PAX7: variants seen among roughly 807,000 people sequenced by gnomAD.
PAX7 encodes the protein paired box 7, also known as paired box protein Pax-7.
In PAX7, 18 loss-of-function variants were observed where a neutral mutation model predicts 50.7. The ratio of observed to expected loss-of-function variants is 0.36; its 90% CI spans 0.25 to 0.53. PAX7 has a LOEUF of 0.53. PAX7 is among the 20% of genes least tolerant of loss of function. PAX7 has a pLI of 0.93. For synonymous variants in PAX7, 310 were observed against 290.4 expected (o/e 1.07, Z -0.69); for missense variants, 644 against 702.9 (o/e 0.92, Z 0.95).
At chr1:18,694,080 C>G (rs1182403214) in intron 5 of PAX7, among the ~76,000 whole-genome samples, 4 of 152,166 alleles carry the variant, frequency 2.6e-5, no homozygotes, top group Non-Finnish European at 5.9e-5. Flanking sequence ...CCCCATTAGA[C>G]CAGAATCTCT....
chr1:18,640,924 C>T (rs1166295023), intron 4 of PAX7, among the ~76,000 whole-genome samples: 1 of 151,852 alleles, frequency 6.6e-6, no homozygotes, highest in African/African-American at 2.4e-5. Flanking sequence ...GCGGAGGGGG[C>T]TCCCGGCGAG....
At chr1:18,707,396 TCC>T (rs1270342087) in intron 7 of PAX7, among the ~76,000 whole-genome samples, 18 of 147,548 alleles carry the variant, frequency 1.2e-4, no homozygotes, top group Non-Finnish European at 2.1e-4. Flanking sequence ...TCCTTTTCTT[TCC>T]TTTTCTTTTT....
rs113575962 is a variant in PAX7, at chr1:18,654,752, G to A, written c.586+18381G>A. ...GAGGATTTACCATGAGCTAGACACAGCTCCTTTAATCAGCACAGCCCTATG... is the reference window on the plus strand; with the variant it reads ...GAGGATTTACCATGAGCTAGACACAACTCCTTTAATCAGCACAGCCCTATG... On this transcript the variant is annotated intron_variant, in intron 4 of 8. Transcript: ENST00000420770. 8.7e-3 allele frequency among the ~76,000 whole-genome samples: 1,322 copies of A among 152,348 alleles called. 15 individuals carry two copies. The highest frequency in any genetic ancestry group is 0.028 in the African/African-American group (1,151 of 41,578).
At chr1:18,728,758 A>C (rs1354396680) in intron 7 of PAX7, among the ~76,000 whole-genome samples, 2 of 151,534 alleles carry the variant, frequency 1.3e-5, no homozygotes, top group Non-Finnish European at 2.9e-5. Flanking sequence ...CCAGCTACTC[A>C]GGAGGCTGAG....
rs1570256478 is a variant in PAX7, at chr1:18,747,521, A to G, written c.*2592A>G. The G allele has an allele frequency of 9.4e-6, 2 of 213,236 alleles. No homozygotes were observed. The highest frequency in any genetic ancestry group is 1.4e-4 in the East Asian group (2 of 14,436). The allele number at this position is 213,236 out of a possible 1,614,324, so 13.2% of individuals were successfully genotyped here. A position where few individuals can be genotyped will look rare whatever the true frequency, so the allele number is the denominator to read the frequency against. On this transcript the variant is annotated 3_prime_UTR_variant, in exon 9 of 9. Transcript: ENST00000420770. ...CAGCCTTGTGTTGGCAACTCGAAAC[A>G]TCACCAGAGAGGTGATGTTGAATGA...
chr1:18,691,384 C>G (rs1378536497), intron 4 of PAX7, among the ~76,000 whole-genome samples: 1 of 152,156 alleles, frequency 6.6e-6, no homozygotes, highest in Non-Finnish European at 1.5e-5. Flanking sequence ...GTGTATCTCA[C>G]CACGAAACCA....
chr1:18,709,953 A>C (rs181699395), intron 7 of PAX7, among the ~76,000 whole-genome samples: 6 of 152,308 alleles, frequency 3.9e-5, no homozygotes, highest in Non-Finnish European at 7.3e-5. Context: ...ACAGAAATCA[A>C]GCTCAAGGCT....
intron 7 of PAX7, among the ~76,000 whole-genome samples, chr1:18,729,726 T>C (rs1313942643): frequency 6.6e-6 from 1 of 152,126 alleles, no homozygotes; most frequent in Non-Finnish European, 1.5e-5. Context: ...ACTGGGAGAC[T>C]CCAAGGATTT....
At chr1:18,633,004 C>T (rs907539469) in intron 1 of PAX7, among the ~76,000 whole-genome samples, 5 of 152,180 alleles carry the variant, frequency 3.3e-5, no homozygotes, top group African/African-American at 1.2e-4. Context: ...GCTAAAGAGG[C>T]TCTTGAATAT....
chr1:18,678,203 G>T (rs899909422), intron 4 of PAX7, among the ~76,000 whole-genome samples: 1 of 152,192 alleles, frequency 6.6e-6, no homozygotes. Context: ...CCTGAGGTTG[G>T]GAATTCGTGA....
Position 18,669,556 on chromosome 1 carries a change from TAGGTTATCTCTC to T in PAX7, c.587-22192_587-22181del, listed in dbSNP as rs200841013. On this transcript the variant is annotated intron_variant, in intron 4 of 8. Coordinates refer to ENST00000420770, the MANE Select transcript of PAX7 (RefSeq NM_001135254.2). ...CATCTGGAAGACAATGAGTTGGGAC[TAGGTTATCTCTC>T]AGGTTGCTTCCAGCTTGAACCGACT... 4.7e-4 allele frequency among the ~76,000 whole-genome samples: 72 copies of T among 152,316 alleles called. No homozygotes were observed. The East Asian group carries it at 0.013, about 28-fold the overall frequency.
chr1:18,725,317 C>CAACA (rs1553142839), intron 7 of PAX7, among the ~76,000 whole-genome samples: 1 of 138,374 alleles, frequency 7.2e-6, no homozygotes, highest in African/African-American at 2.7e-5. Context: ...CCCCCCGCCC[C>CAACA]ACCAACACCG....
intron 4 of PAX7, among the ~76,000 whole-genome samples, chr1:18,647,208 G>T (rs2088359427): frequency 6.6e-6 from 1 of 152,290 alleles, no homozygotes; most frequent in South Asian, 2.1e-4. Context: ...AGGGGAGGGG[G>T]GCAAAGGACC....
chr1:18,723,972 G>A (rs945977099), intron 7 of PAX7, among the ~76,000 whole-genome samples: 9 of 152,134 alleles, frequency 5.9e-5, no homozygotes, highest in African/African-American at 2.2e-4. Context: ...GCTATGAGGT[G>A]CAGATATTAA....
Position 18,635,704 on chromosome 1 carries a change from C to T in PAX7, c.451+464C>T, listed in dbSNP as rs116988154. ...ATGCCCATGGGCTTCCCTAGACCAC[C>T]GTCTCAGAGTTATGATTTCTGCTGT... On this transcript the variant is annotated intron_variant, in intron 3 of 8. Coordinates refer to ENST00000420770, the MANE Select transcript of PAX7 (RefSeq NM_001135254.2). Among the ~76,000 whole-genome samples, 3 of 152,184 alleles carry T rather than the reference C, an allele frequency of 2.0e-5. No homozygotes were observed. The East Asian group carries it at 5.8e-4, about 30-fold the overall frequency.
intron 4 of PAX7, among the ~76,000 whole-genome samples, chr1:18,645,723 G>A (rs115752672): frequency 0.018 from 2,732 of 150,998 alleles, 25 homozygotes; most frequent in Middle Eastern, 0.041. Context: ...AAGCCTCCTG[G>A]TTTCCTGAAA....
chr1:18,682,939 C>A (rs2088920039), intron 4 of PAX7, among the ~76,000 whole-genome samples: 2 of 152,194 alleles, frequency 1.3e-5, no homozygotes, highest in Non-Finnish European at 2.9e-5. Context: ...CCTGTCCCTG[C>A]ACAGCTGCCC....
chr1:18,685,924 C>T (rs1286783073), intron 4 of PAX7, among the ~76,000 whole-genome samples: 3 of 152,176 alleles, frequency 2.0e-5, no homozygotes, highest in African/African-American at 4.8e-5. Flanking sequence ...TCACCATCAC[C>T]ATCACCATCA....
rs2088064866 is a variant in PAX7, at chr1:18,632,132, C to T, written c.85+444C>T. The stretch of plus-strand genomic sequence containing the variant: ...GGTCTTCCAGTCCTTTATTTCGAAC[C>T]ACCTACCATGGGTGATACTTTATAT... On this transcript the variant is annotated intron_variant, in intron 1 of 8. Transcript: ENST00000420770. The surrounding 1 kb of genome is among the most constrained non-coding windows in gnomAD (Gnocchi z 6.3). Among the ~76,000 whole-genome samples, 1 of 152,106 alleles carries T rather than the reference C, an allele frequency of 6.6e-6. No homozygotes were observed. Among genetic ancestry groups the T allele is most frequent in the Non-Finnish European group, 1.5e-5 (1 of 68,018 alleles).
Sources: allele counts gnomAD v4.1 joint callset (sites outside exome capture counted in the v4.1 genomes callset), GRCh38; gene constraint gnomAD v4.1.1; non-coding constraint Gnocchi (gnomAD v3.1); transcripts MANE v1.5; gene names NCBI Gene and HGNC (gene_info 2026-07-23, HGNC 2026-07-21).